Variants in CTNND2 observed in about 807,000 individuals in gnomAD.
CTNND2 encodes the protein catenin delta-2.
Under a neutral mutation model 144.4 loss-of-function variants are expected in CTNND2, and 22 were observed. The observed-to-expected ratio is 0.15, with a 90% CI of 0.11 to 0.22. The LOEUF is 0.22. CTNND2 is among the 10% of genes least tolerant of loss of function. CTNND2 has a pLI of 1.00. For synonymous variants in CTNND2, 751 were observed against 695.6 expected (o/e 1.08, Z -1.25); for missense variants, 1,353 against 1,618.8 (o/e 0.84, Z 2.82).
rs550429075 is a variant in CTNND2 at position 11,464,593 on chromosome 5, T to C, written c.288-52524A>G. Reference sequence around the variant, plus strand: ...GAAGTAGGGAGTGAAGTGATCAGACTTGTGTTTTTAATTATTATGCTGATA... The same window carrying C: ...GAAGTAGGGAGTGAAGTGATCAGACCTGTGTTTTTAATTATTATGCTGATA... On this transcript the variant is annotated intron_variant, in intron 3 of 21. Transcript: ENST00000304623. Among the ~76,000 whole-genome samples, 53 of 152,282 alleles carry C rather than the reference T, an allele frequency of 3.5e-4. No homozygotes were observed. The South Asian group carries it at 8.7e-3, about 25-fold the overall frequency.
intron 16 of CTNND2, among the ~76,000 whole-genome samples, chr5:11,050,694 C>G (rs1342221459): frequency 6.6e-6 from 1 of 152,152 alleles, no homozygotes; most frequent in African/African-American, 2.4e-5. Flanking sequence ...AGGAAGCAAG[C>G]CTGCTATTAG....
intron 2 of CTNND2, among the ~76,000 whole-genome samples, chr5:11,581,319 A>T (rs1252278667): frequency 6.6e-6 from 1 of 152,172 alleles, no homozygotes; most frequent in South Asian, 2.1e-4. Flanking sequence ...TATCAAACAT[A>T]TGCATATTTT....
At chr5:11,869,341 G>A (rs553651862) in intron 1 of CTNND2, among the ~76,000 whole-genome samples, 76 of 152,320 alleles carry the variant, frequency 5.0e-4, no homozygotes, top group Middle Eastern at 3.4e-3. Context: ...ATTGATGGAT[G>A]AATGGGCAAA....
chr5:11,549,164 C>T (rs1302809162), intron 3 of CTNND2, among the ~76,000 whole-genome samples: 1 of 152,148 alleles, frequency 6.6e-6, no homozygotes, highest in East Asian at 1.9e-4. Flanking sequence ...TTTTAACCAG[C>T]ACAAGGTCTT....
In CTNND2 at chr5:10,988,083, C is replaced by T; in HGVS notation, c.3343+28G>A. ...TGTCGCGGGTCAAGCCACCAAGTTC[C>T]AGGAGGGGGCGCGCGAGGGGCGCTC... On this transcript the variant is annotated intron_variant, in intron 20 of 21. Coordinates refer to ENST00000304623, the MANE Select transcript of CTNND2 (RefSeq NM_001332.4). This position sits in a 1 kb window ranked among gnomAD's most constrained non-coding sequence, Gnocchi z 5.9. 1 of 1,613,472 alleles carries T rather than the reference C, an allele frequency of 6.2e-7. No individual in the cohort carries two copies. The highest frequency in any genetic ancestry group is 8.5e-7 in the Non-Finnish European group (1 of 1,179,632).
At chr5:11,851,873 G>A (rs1443617244) in intron 1 of CTNND2, among the ~76,000 whole-genome samples, 1 of 152,134 alleles carries the variant, frequency 6.6e-6, no homozygotes. Flanking sequence ...TAGGGCAGAG[G>A]GTAGCTAAAT....
At chr5:11,663,897 T>A (rs1042851372) in intron 2 of CTNND2, among the ~76,000 whole-genome samples, 1 of 152,158 alleles carries the variant, frequency 6.6e-6, no homozygotes, top group African/African-American at 2.4e-5. Context: ...GTTTGTGAAA[T>A]TAAATTTAAT....
intron 3 of CTNND2, among the ~76,000 whole-genome samples, chr5:11,441,795 C>T (rs1484476436): frequency 1.3e-5 from 2 of 152,132 alleles, no homozygotes; most frequent in South Asian, 2.1e-4. Context: ...GTGCATCCAT[C>T]ATACTGTCTT....
intron 1 of CTNND2, among the ~76,000 whole-genome samples, chr5:11,798,629 T>C (rs1463745033): frequency 6.6e-6 from 1 of 152,080 alleles, no homozygotes; most frequent in African/African-American, 2.4e-5. Context: ...TATCTGGGCC[T>C]GGTGGTGCGT....
chr5:11,139,880 G>A (rs1756545795), intron 12 of CTNND2, among the ~76,000 whole-genome samples: 1 of 152,160 alleles, frequency 6.6e-6, no homozygotes, highest in Non-Finnish European at 1.5e-5. Context: ...ATGTTTCCCT[G>A]CCTTTCCCAG....
intron 1 of CTNND2, among the ~76,000 whole-genome samples, chr5:11,885,517 T>C (rs1736454228): frequency 6.6e-6 from 1 of 152,174 alleles, no homozygotes; most frequent in Non-Finnish European, 1.5e-5. Context: ...TAAATATATA[T>C]GCACTCAACA....
intron 1 of CTNND2, among the ~76,000 whole-genome samples, chr5:11,760,988 G>A (rs1789229548): frequency 6.6e-6 from 1 of 152,114 alleles, no homozygotes; most frequent in Non-Finnish European, 1.5e-5. Context: ...CATTGTATGA[G>A]TATTTGTTTT....
intron 2 of CTNND2, among the ~76,000 whole-genome samples, chr5:11,669,933 G>C (rs1338358478): frequency 6.6e-6 from 1 of 152,186 alleles, no homozygotes; most frequent in East Asian, 1.9e-4. Context: ...GTGTCCCAGA[G>C]ATTCCAGTAC....
At chr5:11,223,703 C>T (rs1740032866) in intron 10 of CTNND2, among the ~76,000 whole-genome samples, 1 of 152,148 alleles carries the variant, frequency 6.6e-6, no homozygotes, top group South Asian at 2.1e-4. Context: ...GTCACGCTGA[C>T]ATCTGATGCG....
intron 18 of CTNND2, among the ~76,000 whole-genome samples, chr5:11,016,559 G>T (rs1741620458): frequency 6.6e-6 from 1 of 152,184 alleles, no homozygotes; most frequent in African/African-American, 2.4e-5. Flanking sequence ...CGGTGACCTG[G>T]GGGATGGGGG....
intron 3 of CTNND2, among the ~76,000 whole-genome samples, chr5:11,478,234 T>C (rs1236400310): frequency 2.0e-5 from 3 of 152,200 alleles, no homozygotes; most frequent in Non-Finnish European, 2.9e-5. Context: ...CTTTATCAAT[T>C]TGTATCCATT....
At chr5:11,026,346 C>CCTT (rs1205018995) in intron 16 of CTNND2, among the ~76,000 whole-genome samples, 11 of 140,680 alleles carry the variant, frequency 7.8e-5, no homozygotes, top group Admixed American at 3.1e-4. Context: ...GACTACTCCA[C>CCTT]CTTCTTCTTC....
chr5:11,902,358 A>G lies in CTNND2; in HGVS notation c.37+1459T>C, dbSNP rs75638852. On this transcript the variant is annotated intron_variant, in intron 1 of 21. Transcript: ENST00000304623. ...CACGTCTCGTAGCAGAAATCCCCAA[A>G]ATAATGACAGGTTCACCGCCATAAC... 7.9e-4 allele frequency among the ~76,000 whole-genome samples: 120 copies of G among 152,312 alleles called. 1 individual carries two copies. Among genetic ancestry groups the G allele is most frequent in the African/African-American group, 2.8e-3 (117 of 41,552 alleles).
rs1169187498 is a variant in CTNND2, at chr5:11,098,646, C to G, written c.2566G>C (p.Glu856Gln). The G allele has an allele frequency of 1.2e-6, 2 of 1,614,036 alleles. No individual in the cohort carries two copies. The highest frequency in any genetic ancestry group is 1.7e-6 in the Non-Finnish European group (2 of 1,180,028). ...TCCAGCGTGTCTGGATTTGAGCACT[C>G]AGAGAGCAGTGTGAGGTAGGGTTTG... ...IVKPYLTLLS[E>Q]CSNPDTLEGA... Residue 856 changes from glutamate to glutamine, a missense_variant, in exon 15 of 22, where the codon GAG becomes CAG. Around this residue, in one of 4 missense-constraint regions of CTNND2, gnomAD observed 459 missense variants for 674.3 expected, o/e 0.68. Transcript: ENST00000304623.
Sources: allele counts gnomAD v4.1 joint callset (sites outside exome capture counted in the v4.1 genomes callset), GRCh38; gene constraint gnomAD v4.1.1; regional missense constraint gnomAD v4.1.1; non-coding constraint Gnocchi (gnomAD v3.1); transcripts MANE v1.5; gene names NCBI Gene and HGNC (gene_info 2026-07-23, HGNC 2026-07-21).